The following ATE1 variants were observed in gnomAD, a reference collection of about 807,000 sequenced individuals.
The protein encoded by ATE1 is arginyl-tRNA--protein transferase 1.
Under a neutral mutation model 70.5 loss-of-function variants are expected in ATE1, and 36 were observed. The observed-to-expected ratio is 0.51, with a 90% CI of 0.39 to 0.67. The LOEUF (loss-of-function observed/expected upper bound fraction) is 0.67, where lower values mean the gene tolerates loss of function less well. Among genes scored for constraint, ATE1 ranks in the 30% least tolerant of loss-of-function variants. ATE1 has a pLI of 0.00. For missense variants in ATE1, 593 were observed against 629.5 expected (o/e 0.94, Z 0.62); for synonymous variants, 232 against 219.3 (o/e 1.06, Z -0.51).
chr10:121,775,367 T>C (rs7090058), intron 11 of ATE1, among the ~76,000 whole-genome samples: 143,586 of 152,124 alleles, frequency 0.94, 67,992 homozygotes, highest in Non-Finnish European at 0.98. Context: ...CTAATGCATG[T>C]GGGGCTTAAA....
chr10:121,806,339 G>A (rs1221247494), intron 10 of ATE1, among the ~76,000 whole-genome samples: 1 of 152,086 alleles, frequency 6.6e-6, no homozygotes, highest in Non-Finnish European at 1.5e-5. Context: ...TGCACTCCCA[G>A]CTACTTGAGG....
At chr10:121,764,338 T>C (rs1218955496) in intron 11 of ATE1, among the ~76,000 whole-genome samples, 2 of 152,016 alleles carry the variant, frequency 1.3e-5, no homozygotes, top group South Asian at 2.1e-4. Context: ...TGATAAGATA[T>C]GATTTATTTT....
At chr10:121,891,515 T>C (rs1171934943) in intron 7 of ATE1, among the ~76,000 whole-genome samples, 2 of 152,174 alleles carry the variant, frequency 1.3e-5, no homozygotes, top group Admixed American at 6.5e-5. Context: ...GGGTGCTTTC[T>C]GTTAGAGAAG....
chr10:121,826,309 GT>G (rs371939111), intron 10 of ATE1, among the ~76,000 whole-genome samples: 2 of 151,242 alleles, frequency 1.3e-5, no homozygotes, highest in Non-Finnish European at 3.0e-5. Flanking sequence ...CAACAAGAAT[GT>G]TTTTTTTTCT....
At chr10:121,748,368 A>G (rs1271208014) in intron 11 of ATE1, among the ~76,000 whole-genome samples, 1 of 152,220 alleles carries the variant, frequency 6.6e-6, no homozygotes, top group Non-Finnish European at 1.5e-5. Flanking sequence ...ATTATTTTAA[A>G]GTGTATTCCC....
Position 121,757,014 on chromosome 10 carries a change from T to A in ATE1, c.1379-13156A>T, listed in dbSNP as rs375156499. On this transcript the variant is annotated intron_variant, in intron 11 of 11. Transcript: ENST00000224652. ...AGGCTGCAAATTTTCCAAACTTTTA[T>A]GCTCTGCTTCCGTTATAAAACTGAA... Among the ~76,000 whole-genome samples, 25 of 152,238 alleles carry A rather than the reference T, an allele frequency of 1.6e-4. 1 individual carries two copies. The highest frequency in any genetic ancestry group is 8.5e-4 in the Admixed American group (13 of 15,284).
chr10:121,896,555 T>A (rs1350457185), intron 7 of ATE1, among the ~76,000 whole-genome samples: 1 of 152,150 alleles, frequency 6.6e-6, no homozygotes. Flanking sequence ...ACACCTGTAA[T>A]CCCAGCACTT....
At chr10:121,836,669 G>A in intron 10 of ATE1, 49 bp downstream of exon 10, 1 of 1,224,978 alleles carries the variant, frequency 8.2e-7, no homozygotes, top group Non-Finnish European at 1.2e-6. Context: ...TTTTATGAGA[G>A]ATTCATTTTT....
At chr10:121,787,771 G>GA (rs770846656) in intron 11 of ATE1, among the ~76,000 whole-genome samples, 12 of 152,074 alleles carry the variant, frequency 7.9e-5, no homozygotes, top group Non-Finnish European at 1.3e-4. Context: ...TTTTTGCCAT[G>GA]TTTGTTAGTA....
intron 8 of ATE1, among the ~76,000 whole-genome samples, chr10:121,842,894 C>G (rs1255366079): frequency 6.6e-6 from 1 of 152,126 alleles, no homozygotes; most frequent in East Asian, 1.9e-4. Context: ...CCACAGCTCA[C>G]AGCATACTCA....
At chr10:121,765,396 T>C (rs184578538) in intron 11 of ATE1, among the ~76,000 whole-genome samples, 1 of 152,362 alleles carries the variant, frequency 6.6e-6, no homozygotes, top group East Asian at 1.9e-4. Flanking sequence ...TTCCCAGCCC[T>C]GGCTACATAT....
At chr10:121,774,973 G>A (rs1163572874) in intron 11 of ATE1, among the ~76,000 whole-genome samples, 1 of 152,198 alleles carries the variant, frequency 6.6e-6, no homozygotes, top group Non-Finnish European at 1.5e-5. Flanking sequence ...ATACAAGCCT[G>A]TAAGGTCACA....
chr10:121,778,359 T>A (rs932350073), intron 11 of ATE1, among the ~76,000 whole-genome samples: 16 of 152,350 alleles, frequency 1.1e-4, no homozygotes, highest in African/African-American at 3.8e-4. Flanking sequence ...ATCACATGAA[T>A]CTGAAAGTAT....
Position 121,740,949 on chromosome 10 carries a change from ATC to A in ATE1, c.*2729_*2730del, listed in dbSNP as rs1944129852. 6.6e-6 allele frequency: 1 copy of A among 152,206 alleles called. No individual in the cohort carries two copies. Among genetic ancestry groups the A allele is most frequent in the Non-Finnish European group, 1.5e-5 (1 of 68,032 alleles). The allele number at this position is 152,206 out of a possible 1,614,324, so 9.4% of individuals were successfully genotyped here. A position where few individuals can be genotyped will look rare whatever the true frequency, so the allele number is the denominator to read the frequency against. ...GATTACATTTAAAAAAATAACAAAA[ATC>A]TCTTAGAATGGAAATAATTTAAATA... On this transcript the variant is annotated 3_prime_UTR_variant, in exon 12 of 12. Coordinates refer to ENST00000224652, the MANE Select transcript of ATE1 (RefSeq NM_001001976.3).
At position 121,924,343 on chromosome 10, in the gene ATE1, T is replaced by C. The variant is rs991408699; in HGVS notation, c.107-14A>G. On this transcript the variant is annotated splice_polypyrimidine_tract_variant and intron_variant, in intron 1 of 11. Transcript: ENST00000224652. ...GTGCCCACATGCCTGAAAAAATAAGTAGTGTGTTAATTACGGCAGGGTAAC... is the reference window on the plus strand; with the variant it reads ...GTGCCCACATGCCTGAAAAAATAAGCAGTGTGTTAATTACGGCAGGGTAAC... The C allele has an allele frequency of 1.3e-5, 21 of 1,611,150 alleles. No homozygotes were observed. Among genetic ancestry groups the C allele is most frequent in the Non-Finnish European group, 1.7e-5 (20 of 1,177,516 alleles).
chr10:121,784,203 C>G (rs1028227809), intron 11 of ATE1, among the ~76,000 whole-genome samples: 2 of 152,224 alleles, frequency 1.3e-5, no homozygotes, highest in African/African-American at 4.8e-5. Context: ...TAGCTCACTG[C>G]TCATGCATGG....
chr10:121,883,290 C>T (rs1465618320), intron 7 of ATE1, among the ~76,000 whole-genome samples: 1 of 152,042 alleles, frequency 6.6e-6, no homozygotes, highest in East Asian at 1.9e-4. Context: ...AATGCAAGTT[C>T]CACAAGAGCA....
At chr10:121,761,474 TC>T (rs5788512) in intron 11 of ATE1, among the ~76,000 whole-genome samples, 123,728 of 151,874 alleles carry the variant, frequency 0.81, 50,805 homozygotes, top group Non-Finnish European at 0.88. Context: ...AGTTTTTTTT[TC>T]CCAACATAAT....
At chr10:121,759,384 G>A (rs1159919252) in intron 11 of ATE1, among the ~76,000 whole-genome samples, 1 of 152,198 alleles carries the variant, frequency 6.6e-6, no homozygotes, top group Non-Finnish European at 1.5e-5. Flanking sequence ...AGCTAGGAGA[G>A]ATTGATTCAT....
Sources: allele counts gnomAD v4.1 joint callset (sites outside exome capture counted in the v4.1 genomes callset), GRCh38; gene constraint gnomAD v4.1.1; transcripts MANE v1.5; gene names NCBI Gene and HGNC (gene_info 2026-07-23, HGNC 2026-07-21).